The following GRM8 variants were observed in gnomAD, a reference collection of about 807,000 sequenced individuals.
The protein encoded by GRM8 is glutamate metabotropic receptor 8, also known as metabotropic glutamate receptor 8.
A neutral mutation model predicts 87.2 loss-of-function variants in GRM8; 47 were observed. The ratio of observed to expected loss-of-function variants is 0.54; its 90% CI spans 0.43 to 0.69. The LOEUF (loss-of-function observed/expected upper bound fraction) is 0.69. GRM8 is among the 30% of genes least tolerant of loss of function. The pLI is 0.00. For synonymous variants in GRM8, 396 were observed against 404.5 expected, an observed-to-expected ratio of 0.98 and a Z score of 0.25; for missense variants, 1,019 against 1,139.2, an observed-to-expected ratio of 0.89 and a Z score of 1.52.
At chr7:126,680,809 C>T (rs886772025) in intron 7 of GRM8, among the ~76,000 whole-genome samples, 1 of 152,166 alleles carries the variant, frequency 6.6e-6, no homozygotes, top group African/African-American at 2.4e-5. Context: ...TATCCAGATA[C>T]CACTCGTTCT....
intron 7 of GRM8, among the ~76,000 whole-genome samples, chr7:126,768,256 C>T (rs754688858): frequency 4.7e-5 from 7 of 148,490 alleles, no homozygotes; most frequent in African/African-American, 1.5e-4. Context: ...CCAGGAAACT[C>T]GAAGTGCCAT....
intron 7 of GRM8, among the ~76,000 whole-genome samples, chr7:126,763,937 T>C (rs1197464239): frequency 1.3e-5 from 2 of 151,980 alleles, no homozygotes; most frequent in African/African-American, 2.4e-5. Flanking sequence ...CTCAGTAAAG[T>C]TGTCTTCAAA....
intron 3 of GRM8, among the ~76,000 whole-genome samples, chr7:127,078,385 A>G (rs1442536984): frequency 1.3e-5 from 2 of 152,208 alleles, no homozygotes; most frequent in African/African-American, 4.8e-5. Flanking sequence ...AGTTCCTGGC[A>G]TAGAATTGGT....
chr7:126,740,577 T>C (rs1585736917), intron 7 of GRM8, among the ~76,000 whole-genome samples: 2 of 152,270 alleles, frequency 1.3e-5, no homozygotes, highest in Admixed American at 1.3e-4. Context: ...AAGTCACAAA[T>C]TGAGACTCAA....
intron 3 of GRM8, among the ~76,000 whole-genome samples, chr7:127,088,952 G>A (rs773798144): frequency 7.9e-5 from 12 of 152,140 alleles, no homozygotes; most frequent in South Asian, 4.1e-4. Context: ...GGACTTCTGC[G>A]GACACAATTG....
chr7:127,064,381 T>A (rs187320108), intron 3 of GRM8, among the ~76,000 whole-genome samples: 118 of 152,326 alleles, frequency 7.7e-4, no homozygotes, highest in Admixed American at 1.4e-3. Context: ...ATGCCCTTCT[T>A]TGCCTTTTTT....
chr7:127,191,334 T>C (rs1795018687), intron 2 of GRM8, among the ~76,000 whole-genome samples: 1 of 152,210 alleles, frequency 6.6e-6, no homozygotes, highest in South Asian at 2.1e-4. Flanking sequence ...ACAGTTTAAC[T>C]ACCTACATTG....
intron 6 of GRM8, among the ~76,000 whole-genome samples, chr7:126,780,872 G>C (rs1819996043): frequency 6.6e-6 from 1 of 152,020 alleles, no homozygotes; most frequent in Non-Finnish European, 1.5e-5. Flanking sequence ...AGAACAGATA[G>C]GAAGGAGGAA....
At chr7:126,774,599 T>C (rs1167863735) in intron 6 of GRM8, among the ~76,000 whole-genome samples, 1 of 152,162 alleles carries the variant, frequency 6.6e-6, no homozygotes, top group Non-Finnish European at 1.5e-5. Context: ...AATCTAAATC[T>C]TGTGACTGGA....
At chr7:126,604,167 A>G (rs1798112781) in intron 8 of GRM8, among the ~76,000 whole-genome samples, 1 of 152,152 alleles carries the variant, frequency 6.6e-6, no homozygotes, top group African/African-American at 2.4e-5. Context: ...ACATTCAATT[A>G]AAATAAATAC....
Position 127,179,383 on chromosome 7 carries a change from T to C in GRM8, c.510+63312A>G, listed in dbSNP as rs563450414. The stretch of plus-strand genomic sequence containing the variant: ...TTACTAATAGACCTAAGAAATGAGA[T>C]AGCAACACAATAATAGTGGAGACTT... On this transcript the variant is annotated intron_variant, in intron 2 of 10. Coordinates refer to ENST00000339582, the MANE Select transcript of GRM8 (RefSeq NM_000845.3). Among the ~76,000 whole-genome samples the C allele has an allele frequency of 1.3e-4, 19 of 145,624 alleles. 1 individual carries two copies. Among genetic ancestry groups the C allele is most frequent in the Admixed American group, 6.8e-5 (1 of 14,642 alleles).
chr7:126,981,292 C>G (rs1364911008), intron 3 of GRM8: 1 of 152,254 alleles, frequency 6.6e-6, no homozygotes, highest in Non-Finnish European at 1.5e-5. Context: ...CTGTCTGAAG[C>G]AACAAGTCTT....
intron 7 of GRM8, among the ~76,000 whole-genome samples, chr7:126,614,594 C>T (rs1046031911): frequency 3.3e-5 from 5 of 152,078 alleles, no homozygotes; most frequent in Non-Finnish European, 5.9e-5. Flanking sequence ...GGAGGAAGTT[C>T]GAACCCAATG....
intron 9 of GRM8, among the ~76,000 whole-genome samples, chr7:126,458,624 T>G (rs1045400125): frequency 6.6e-6 from 1 of 151,234 alleles, no homozygotes; most frequent in African/African-American, 2.4e-5. Flanking sequence ...GTAATAAAAT[T>G]ATCATTTTCA....
At chr7:127,235,187 C>T (rs1797912512) in intron 2 of GRM8, among the ~76,000 whole-genome samples, 1 of 152,174 alleles carries the variant, frequency 6.6e-6, no homozygotes, top group Admixed American at 6.5e-5. Flanking sequence ...ACTAAAAGCA[C>T]GCTCTTAAGA....
intron 2 of GRM8, among the ~76,000 whole-genome samples, chr7:127,207,271 C>G (rs750468218): frequency 6.6e-6 from 1 of 151,800 alleles, no homozygotes; most frequent in Non-Finnish European, 1.5e-5. Context: ...CCATCAGAAC[C>G]CTTATTTTCA....
intron 8 of GRM8, among the ~76,000 whole-genome samples, chr7:126,581,085 A>G (rs774060348): frequency 7.9e-5 from 12 of 152,108 alleles, no homozygotes; most frequent in Non-Finnish European, 1.5e-4. Context: ...GGCTTTGAGA[A>G]AATGCTTACC....
chr7:127,115,716 A>AT (rs1268592662), intron 2 of GRM8, among the ~76,000 whole-genome samples: 2 of 152,232 alleles, frequency 1.3e-5, no homozygotes. Context: ...CTCCTTAGGA[A>AT]AAGAATTGTT....
chr7:126,479,095 T>C (rs931631866), intron 9 of GRM8, among the ~76,000 whole-genome samples: 12 of 151,796 alleles, frequency 7.9e-5, no homozygotes, highest in Non-Finnish European at 2.9e-5. Flanking sequence ...ACCTTAGCCT[T>C]TTATGCTAAA....
Sources: allele counts gnomAD v4.1 joint callset (sites outside exome capture counted in the v4.1 genomes callset), GRCh38; gene constraint gnomAD v4.1.1; transcripts MANE v1.5; gene names NCBI Gene and HGNC (gene_info 2026-07-23, HGNC 2026-07-21).